MAP3K20: variants seen among roughly 807,000 people sequenced by gnomAD.
The protein encoded by MAP3K20 is mitogen-activated protein kinase kinase kinase 20.
MAP3K20 carries 40 observed loss-of-function variants against 85.7 expected under a neutral mutation model. The ratio of observed to expected loss-of-function variants is 0.47; its 90% CI spans 0.36 to 0.61. MAP3K20 has a LOEUF of 0.61. Among genes scored for constraint, MAP3K20 ranks in the 20% least tolerant of loss-of-function variants. The pLI, the probability that MAP3K20 is intolerant of heterozygous loss-of-function variation, is 0.00. For missense variants in MAP3K20, 817 were observed against 961.7 expected, an observed-to-expected ratio of 0.85 and a Z score of 1.99; for synonymous variants, 325 against 327.7, an observed-to-expected ratio of 0.99 and a Z score of 0.09.
intron 2 of MAP3K20, among the ~76,000 whole-genome samples, chr2:173,133,857 G>C (rs1388329207): frequency 6.6e-6 from 1 of 151,782 alleles, no homozygotes; most frequent in Non-Finnish European, 1.5e-5. Context: ...CGGGCATGGT[G>C]GTGGGCACCT....
At chr2:173,112,517 C>A (rs1041856046) in intron 2 of MAP3K20, among the ~76,000 whole-genome samples, 9 of 152,244 alleles carry the variant, frequency 5.9e-5, no homozygotes, top group African/African-American at 2.2e-4. Flanking sequence ...CAACTTTTCC[C>A]CATTCAAAAT....
At chr2:173,216,916 A>C (rs148247740) in intron 10 of MAP3K20, among the ~76,000 whole-genome samples, 199 bp from the exon 11 acceptor site, 19 of 152,216 alleles carry the variant, frequency 1.2e-4, no homozygotes, top group African/African-American at 4.6e-4. Flanking sequence ...TTGTTGAAAT[A>C]TTTTGAGCTT....
chr2:173,161,178 T>G (rs933618665), intron 2 of MAP3K20, among the ~76,000 whole-genome samples: 1 of 152,198 alleles, frequency 6.6e-6, no homozygotes, highest in African/African-American at 2.4e-5. Context: ...CTCAAGAAAT[T>G]GTGCTCATGT....
chr2:173,209,005 A>T (rs1477033874), intron 9 of MAP3K20, among the ~76,000 whole-genome samples: 1 of 152,232 alleles, frequency 6.6e-6, no homozygotes, highest in Non-Finnish European at 1.5e-5. Flanking sequence ...GTGTCTTAGC[A>T]CTAAAGCTAA....
chr2:173,239,000 A>G (rs1006958496), intron 15 of MAP3K20, among the ~76,000 whole-genome samples: 3 of 152,088 alleles, frequency 2.0e-5, no homozygotes, highest in African/African-American at 2.4e-5. Context: ...TTCATCCTCC[A>G]TCCACATTTG....
At chr2:173,176,711 A>T (rs1296990921) in intron 3 of MAP3K20, among the ~76,000 whole-genome samples, 1 of 152,226 alleles carries the variant, frequency 6.6e-6, no homozygotes, top group African/African-American at 2.4e-5. Flanking sequence ...ATCACATTAT[A>T]TGTAGATGTT....
intron 11 of MAP3K20, chr2:173,223,645 C>T (rs1228598601): frequency 2.0e-6 from 2 of 985,280 alleles, no homozygotes; most frequent in African/African-American, 1.7e-5. Context: ...ACTATGAGCC[C>T]TGGCCAGCTT....
intron 2 of MAP3K20, among the ~76,000 whole-genome samples, chr2:173,112,747 G>A (rs1229426353): frequency 2.0e-5 from 3 of 151,930 alleles, no homozygotes; most frequent in East Asian, 1.9e-4. Context: ...AACCATTCCT[G>A]TATCCCTGTT....
At chr2:173,134,411 TATATATA>T (rs1688725574) in intron 2 of MAP3K20, among the ~76,000 whole-genome samples, 5 of 10,180 alleles carry the variant, frequency 4.9e-4, no homozygotes, top group Non-Finnish European at 1.4e-3. Context: ...TATATATATA[TATATATA>T]TATATATATA....
chr2:173,238,576 G>A, intron 15 of MAP3K20, 141 bp downstream of exon 15: 1 of 699,746 alleles, frequency 1.4e-6, no homozygotes, highest in East Asian at 2.8e-5. Flanking sequence ...AAGGCCCTTT[G>A]AAGCAAGGGA....
intron 2 of MAP3K20, among the ~76,000 whole-genome samples, chr2:173,157,590 G>A (rs1305061041): frequency 6.6e-6 from 1 of 152,212 alleles, no homozygotes; most frequent in African/African-American, 2.4e-5. Context: ...CTTATGGGAT[G>A]TAAATAATCA....
chr2:173,141,964 A>G (rs139592166), intron 2 of MAP3K20, among the ~76,000 whole-genome samples: 1 of 152,370 alleles, frequency 6.6e-6, no homozygotes, highest in East Asian at 1.9e-4. Context: ...AGAGATCAAT[A>G]CCCACTTAAA....
chr2:173,250,866 T>C (rs1440310379), intron 16 of MAP3K20, among the ~76,000 whole-genome samples: 3 of 152,188 alleles, frequency 2.0e-5, no homozygotes, highest in Non-Finnish European at 4.4e-5. Context: ...GTCATGACAC[T>C]GTATAGATAA....
chr2:173,254,579 T>C (rs17742715), intron 16 of MAP3K20, among the ~76,000 whole-genome samples: 7,307 of 152,300 alleles, frequency 0.048, 218 homozygotes, highest in South Asian at 0.1. Flanking sequence ...TTTAGTGATA[T>C]TATTGATGAC....
At chr2:173,211,919 A>T (rs1683909497) in intron 10 of MAP3K20, 1 of 152,210 alleles carries the variant, frequency 6.6e-6, no homozygotes, top group Non-Finnish European at 1.5e-5. Flanking sequence ...GTCTCAAAAA[A>T]AAAGAAGTAA....
At chr2:173,168,412 A>G (rs563271334) in intron 2 of MAP3K20, among the ~76,000 whole-genome samples, 58 of 152,338 alleles carry the variant, frequency 3.8e-4, no homozygotes, top group African/African-American at 1.3e-3. Flanking sequence ...TCTCAATTTC[A>G]TATTGACCCT....
chr2:173,191,839 A>G (rs533570899), intron 7 of MAP3K20, among the ~76,000 whole-genome samples: 1 of 152,300 alleles, frequency 6.6e-6, no homozygotes, highest in Non-Finnish European at 1.5e-5. Context: ...ACAGGAATGA[A>G]TCCGTTAAGG....
At chr2:173,221,316 A>G in intron 11 of MAP3K20, 5 of 1,613,782 alleles carry the variant, frequency 3.1e-6, no homozygotes, top group Non-Finnish European at 4.2e-6. Context: ...GGCTTTGGGG[A>G]TATCTTCTCA....
At chr2:173,195,185 CTT>C (rs199561536) in intron 7 of MAP3K20, among the ~76,000 whole-genome samples, 1 of 106,070 alleles carries the variant, frequency 9.4e-6, no homozygotes, top group African/African-American at 3.3e-5. Context: ...CCTAGCCTCT[CTT>C]TAAAAAAAAA....
Sources: gnomAD v4.1 joint callset for allele counts (sites outside exome capture counted in the v4.1 genomes callset) on GRCh38, gnomAD v4.1.1 for gene constraint, MANE v1.5 for transcripts, NCBI Gene and HGNC (gene_info 2026-07-23, HGNC 2026-07-21) for gene names.